The following ERCC3 variants were observed in gnomAD, a reference collection of about 807,000 sequenced individuals.
ERCC3 encodes ERCC excision repair 3, TFIIH core complex helicase subunit.
Under a neutral mutation model 94.2 loss-of-function variants are expected in ERCC3, and 66 were observed. The ratio of observed to expected loss-of-function variants is 0.70; its 90% CI spans 0.57 to 0.86. The LOEUF (loss-of-function observed/expected upper bound fraction) is 0.86, where lower values mean the gene tolerates loss of function less well. Ranked by LOEUF, ERCC3 falls within the 40% of genes least tolerant of loss-of-function variation. The pLI is 0.00. For missense variants in ERCC3, 829 were observed against 987.1 expected (o/e 0.84, Z 2.15); for synonymous variants, 349 against 369.1 (o/e 0.95, Z 0.63).
chr2:127,289,742 A>G lies in ERCC3; in HGVS notation c.604T>C (p.Ser202Pro). The G allele has an allele frequency of 6.2e-7, 1 of 1,614,020 alleles. No individual in the cohort carries two copies. Among genetic ancestry groups the G allele is most frequent in the South Asian group, 1.1e-5 (1 of 91,086 alleles). The change falls in exon 5 of 15, where the codon TCT (serine) becomes CCT (proline). Residue 202 changes from serine (S) to proline (P), a missense_variant. By Grantham distance (74) the Ser-to-Pro change is moderately conservative (BLOSUM62 -1). Transcript: ENST00000285398. ...PVIRECRLRN[S>P]EGEATELITE... ...ATGAGCTCAGTGGCCTCCCCTTCAG[A>G]GTTTCTTAAGCGGCATTCTCGGATC...
At chr2:127,293,910 C>A in intron 1 of ERCC3, 144 bp downstream of exon 1, 1 of 1,524,536 alleles carries the variant, frequency 6.6e-7, no homozygotes, top group Non-Finnish European at 8.8e-7. Flanking sequence ...GCATCTCTCC[C>A]GCCCAAAGGC....
intron 7 of ERCC3, among the ~76,000 whole-genome samples, chr2:127,288,347 T>C (rs1685148087): frequency 2.0e-5 from 3 of 152,168 alleles, no homozygotes; most frequent in Non-Finnish European, 4.4e-5. Flanking sequence ...CCTCATGTGC[T>C]CTAATTTTTC....
Position 127,280,356 on chromosome 2 carries a change from C to T in ERCC3, c.1527+91G>A, listed in dbSNP as rs1684869126. On this transcript the variant is annotated intron_variant, in intron 9 of 14. Transcript: ENST00000285398. The surrounding 1 kb of genome is among the most constrained non-coding windows in gnomAD (Gnocchi z 6.3). ...GGTAGCAGGTGAGCCTAAGTCCTGA[C>T]CTGTGTCTGCCCATGAGGAATCGAT... The T allele has an allele frequency of 8.3e-7, 1 of 1,211,020 alleles. No individual in the cohort carries two copies. The highest frequency in any genetic ancestry group is 1.2e-6 in the Non-Finnish European group (1 of 836,870). The allele number at this position is 1,211,020 out of a possible 1,614,324, so 75.0% of individuals were successfully genotyped here.
rs1685274881 is a variant in ERCC3 at position 127,291,673 on chromosome 2, G to C, written c.471+937C>G. The stretch of plus-strand genomic sequence containing the variant: ...CCTGTGGCACTCTTCTGCCACTCCA[G>C]ATCCCAAGGTCTGAATCTGACTCCT... On this transcript the variant is annotated intron_variant, in intron 3 of 14. Transcript: ENST00000285398. This position sits in a 1 kb window ranked among gnomAD's most constrained non-coding sequence, Gnocchi z 4.9. Among the ~76,000 whole-genome samples, 1 of 152,312 alleles carries C rather than the reference G, an allele frequency of 6.6e-6. No individual in the cohort carries two copies. Among genetic ancestry groups the C allele is most frequent in the Non-Finnish European group, 1.5e-5 (1 of 68,034 alleles).
intron 4 of ERCC3, 144 bp downstream of exon 4, chr2:127,290,080 G>A: frequency 1.2e-6 from 1 of 823,238 alleles, no homozygotes; most frequent in East Asian, 2.6e-5. Flanking sequence ...TTCCAGTCTG[G>A]GCCACATCTC....
chr2:127,257,905 T>C lies in ERCC3; in HGVS notation c.2218-178A>G, dbSNP rs1335191326. On this transcript the variant is annotated intron_variant, in intron 14 of 14. Coordinates refer to ENST00000285398, the MANE Select transcript of ERCC3 (RefSeq NM_000122.2). The surrounding 1 kb of genome is among the most constrained non-coding windows in gnomAD (Gnocchi z 5.4). ...TGTTCTAAGCATTTTACATGCATTA[T>C]CTCCTCTAATCCTCAAAACTACTAT... 6.6e-6 allele frequency among the ~76,000 whole-genome samples: 1 copy of C among 152,188 alleles called. No homozygotes were observed. Among genetic ancestry groups the C allele is most frequent in the Non-Finnish European group, 1.5e-5 (1 of 68,050 alleles).
rs768976581 is a variant in ERCC3, at chr2:127,259,276, C to G, written c.2217+20G>C. 1 of 1,613,954 alleles carries G rather than the reference C, an allele frequency of 6.2e-7. No individual in the cohort carries two copies. The highest frequency in any genetic ancestry group is 1.3e-5 in the African/African-American group (1 of 74,912). On this transcript the variant is annotated intron_variant, in intron 14 of 14. Transcript: ENST00000285398. This position sits in a 1 kb window ranked among gnomAD's most constrained non-coding sequence, Gnocchi z 4.9. The stretch of plus-strand genomic sequence containing the variant: ...CTGTGAGAGCACTGACACCTGGAAC[C>G]TCCTCACCCATTTACTCACCTGGCT...
At position 127,257,765 on chromosome 2, in the gene ERCC3, G is replaced by A; in HGVS notation, c.2218-38C>T. 1 of 1,613,270 alleles carries A rather than the reference G, an allele frequency of 6.2e-7. No individual in the cohort carries two copies. The highest frequency in any genetic ancestry group is 8.5e-7 in the Non-Finnish European group (1 of 1,179,302). ...GGGAACCAGCCCATGTTAGTCTCCA[G>A]AAGAAAAGATACTCCTTTTATAATA... On this transcript the variant is annotated intron_variant, in intron 14 of 14. Coordinates refer to ENST00000285398, the MANE Select transcript of ERCC3 (RefSeq NM_000122.2). This position sits in a 1 kb window ranked among gnomAD's most constrained non-coding sequence, Gnocchi z 5.4.
intron 13 of ERCC3, 108 bp downstream of exon 13, chr2:127,261,117 TCTC>T (rs1220971608): frequency 3.9e-6 from 3 of 767,482 alleles, no homozygotes; most frequent in Middle Eastern, 2.3e-4. Flanking sequence ...AGGCCTCTAA[TCTC>T]CTAATGCTTG....
At chr2:127,283,358 G>A (rs1366302404) in intron 8 of ERCC3, among the ~76,000 whole-genome samples, 2 of 152,092 alleles carry the variant, frequency 1.3e-5, no homozygotes, top group African/African-American at 4.8e-5. Context: ...AGCTTTTGAG[G>A]CTGACTTCTT....
At chr2:127,287,681 C>G (rs1685124508) in intron 7 of ERCC3, among the ~76,000 whole-genome samples, 1 of 152,124 alleles carries the variant, frequency 6.6e-6, no homozygotes, top group South Asian at 2.1e-4. Flanking sequence ...GAGTACTTTA[C>G]CTTGCCCACA....
chr2:127,288,492 A>C (rs372881023), intron 7 of ERCC3, among the ~76,000 whole-genome samples, 168 bp downstream of exon 7: 1 of 152,202 alleles, frequency 6.6e-6, no homozygotes, highest in Non-Finnish European at 1.5e-5. Context: ...GCCAGGGCCC[A>C]TACACAGCAA....
Position 127,279,229 on chromosome 2 carries a change from A to G in ERCC3, c.1674T>C (p.Ile558=). 1 of 1,613,890 alleles carries G rather than the reference A, an allele frequency of 6.2e-7. No individual in the cohort carries two copies. The highest frequency in any genetic ancestry group is 8.5e-7 in the Non-Finnish European group (1 of 1,179,736). Reference sequence around the variant, plus strand: ...CAAACACATTGTCAGCAAAGACAATAATCTTGTCATTCCTCCTTTCATGAA... The same window carrying G: ...CAAACACATTGTCAGCAAAGACAATGATCTTGTCATTCCTCCTTTCATGAA... ...IKFHERRNDK[I]IVFADNVFAL... is the part of the protein sequence containing the mutation. Residue 558 remains isoleucine (I), a synonymous_variant, in exon 10 of 15, where the codon ATT becomes ATC. Coordinates refer to ENST00000285398, the MANE Select transcript of ERCC3 (RefSeq NM_000122.2). The surrounding 1 kb of genome is among the most constrained non-coding windows in gnomAD (Gnocchi z 4.7).
intron 10 of ERCC3, among the ~76,000 whole-genome samples, chr2:127,275,248 T>G (rs949421118): frequency 9.2e-5 from 14 of 152,230 alleles, no homozygotes; most frequent in Middle Eastern, 3.4e-3. Context: ...CAAGCTGGAC[T>G]TGAACTCCTG....
rs181983017 is a variant in ERCC3, at chr2:127,257,779, C to T, written c.2218-52G>A. 77 of 1,603,730 alleles carry T rather than the reference C, an allele frequency of 4.8e-5. No individual in the cohort carries two copies. In the African/African-American group the frequency reaches 9.5e-4, roughly 20 times the overall value. On this transcript the variant is annotated intron_variant, in intron 14 of 14. Coordinates refer to ENST00000285398, the MANE Select transcript of ERCC3 (RefSeq NM_000122.2). This position sits in a 1 kb window ranked among gnomAD's most constrained non-coding sequence, Gnocchi z 5.4. ...GTTAGTCTCCAGAAGAAAAGATACT[C>T]CTTTTATAATACTTATAATCACAGC...
intron 12 of ERCC3, among the ~76,000 whole-genome samples, chr2:127,269,611 C>T (rs1339085693): frequency 2.0e-5 from 3 of 150,880 alleles, no homozygotes; most frequent in South Asian, 2.1e-4. Flanking sequence ...TTAGTAGAGA[C>T]GGGGTTTCAC....
At position 127,286,783 on chromosome 2, in the gene ERCC3, C is replaced by T; in HGVS notation, c.1262G>A (p.Trp421Ter). The T allele has an allele frequency of 6.2e-7, 1 of 1,614,214 alleles. No individual in the cohort carries two copies. Among genetic ancestry groups the T allele is most frequent in the Non-Finnish European group, 8.5e-7 (1 of 1,180,036 alleles). The change falls in exon 8 of 15, where the codon TGG becomes TAG. Residue 421 changes from tryptophan to a stop codon, truncating the protein, a stop_gained. Coordinates refer to ENST00000285398, the MANE Select transcript of ERCC3 (RefSeq NM_000122.2). LOFTEE classifies it high-confidence loss of function. ...SMLGHTTKRS[W>*]EAERVMEWLK... The stretch of plus-strand genomic sequence containing the variant: ...CCACTCCATGACTCGCTCGGCCTCC[C>T]AGGACCTTTTGGTGGTGTGGCCCAG...
rs751739122 is a variant in ERCC3 at position 127,257,564 on chromosome 2, G to C, written c.*32C>G. On this transcript the variant is annotated 3_prime_UTR_variant, in exon 15 of 15. Transcript: ENST00000285398. The surrounding 1 kb of genome is among the most constrained non-coding windows in gnomAD (Gnocchi z 5.4). The stretch of plus-strand genomic sequence containing the variant: ...TCCCTTTCCAACAAGGGTGCCAAGC[G>C]CCGGTCTTGAACGAAGTACCCTGCC... 1 of 1,612,512 alleles carries C rather than the reference G, an allele frequency of 6.2e-7. No homozygotes were observed. Among genetic ancestry groups the C allele is most frequent in the Non-Finnish European group, 8.5e-7 (1 of 1,179,702 alleles).
chr2:127,258,349 C>T lies in ERCC3; in HGVS notation c.2218-622G>A, dbSNP rs148133029. 2.6e-5 allele frequency among the ~76,000 whole-genome samples: 4 copies of T among 152,296 alleles called. No individual in the cohort carries two copies. Among genetic ancestry groups the T allele is most frequent in the Admixed American group, 1.3e-4 (2 of 15,292 alleles). ...GCCCTGGGCTTGACTCTTGGCTCCT[C>T]CTGTCCCTGAGTAACCCTGAGGCAA... On this transcript the variant is annotated intron_variant, in intron 14 of 14. Coordinates refer to ENST00000285398, the MANE Select transcript of ERCC3 (RefSeq NM_000122.2). This position sits in a 1 kb window ranked among gnomAD's most constrained non-coding sequence, Gnocchi z 4.1.
Sources: allele counts gnomAD v4.1 joint callset (sites outside exome capture counted in the v4.1 genomes callset), GRCh38; gene constraint gnomAD v4.1.1; non-coding constraint Gnocchi (gnomAD v3.1); transcripts MANE v1.5; gene names NCBI Gene and HGNC (gene_info 2026-07-23, HGNC 2026-07-21).